The following CDC5L variants were observed in gnomAD, a reference collection of about 807,000 sequenced individuals.
CDC5L encodes cell division cycle 5 like, also known as cell division cycle 5-like protein.
Under a neutral mutation model 104.1 loss-of-function variants are expected in CDC5L, and 18 were observed. The observed-to-expected ratio is 0.17, with a 90% CI of 0.12 to 0.26. The LOEUF (loss-of-function observed/expected upper bound fraction) is 0.26, where lower values mean the gene tolerates loss of function less well. CDC5L is among the 10% of genes least tolerant of loss of function. The pLI, the probability that CDC5L is intolerant of heterozygous loss-of-function variation, is 1.00. For missense variants in CDC5L, 673 were observed against 956.9 expected (o/e 0.70, Z 3.91); for synonymous variants, 331 against 322.7 (o/e 1.03, Z -0.28).
chr6:44,443,163 A>G (rs561844266), intron 14 of CDC5L, among the ~76,000 whole-genome samples: 21 of 59,436 alleles, frequency 3.5e-4, no homozygotes, highest in African/African-American at 1.3e-3. Context: ...TTTTTTTTCT[A>G]TTTTTAAATA....
chr6:44,416,018 T>C (rs536213047), intron 8 of CDC5L, among the ~76,000 whole-genome samples: 1 of 152,296 alleles, frequency 6.6e-6, no homozygotes, highest in Admixed American at 6.5e-5. Flanking sequence ...CAGTGTCTGT[T>C]CTATGTGTGA....
intron 14 of CDC5L, among the ~76,000 whole-genome samples, chr6:44,445,073 C>G (rs1793385378): frequency 6.6e-6 from 1 of 152,220 alleles, no homozygotes; most frequent in South Asian, 2.1e-4. Flanking sequence ...TTAGCTGCTT[C>G]TCTGCACTGC....
intron 14 of CDC5L, among the ~76,000 whole-genome samples, chr6:44,433,044 A>C (rs1296742877): frequency 6.6e-6 from 1 of 152,146 alleles, no homozygotes; most frequent in African/African-American, 2.4e-5. Context: ...GAAAAACTTT[A>C]TTTCTTTTCA....
At chr6:44,436,146 A>G (rs946743610) in intron 14 of CDC5L, among the ~76,000 whole-genome samples, 3 of 152,190 alleles carry the variant, frequency 2.0e-5, no homozygotes, top group African/African-American at 7.2e-5. Flanking sequence ...ATACTGTATG[A>G]TTAGCAAATA....
chr6:44,416,924 A>G (rs1791934231), intron 8 of CDC5L, among the ~76,000 whole-genome samples: 1 of 152,228 alleles, frequency 6.6e-6, no homozygotes, highest in South Asian at 2.1e-4. Flanking sequence ...TGGAATAGCA[A>G]AAAGGACACA....
intron 5 of CDC5L, among the ~76,000 whole-genome samples, chr6:44,397,651 C>T (rs1019037356): frequency 2.0e-5 from 3 of 152,342 alleles, no homozygotes; most frequent in Admixed American, 1.3e-4. Flanking sequence ...TTTTGTATGA[C>T]TGCCAATTAG....
intron 6 of CDC5L, among the ~76,000 whole-genome samples, chr6:44,404,310 A>C (rs1341173385): frequency 2.0e-5 from 3 of 151,752 alleles, no homozygotes; most frequent in Non-Finnish European, 2.9e-5. Flanking sequence ...ACACCTAGCT[A>C]ATTTTTTTTT....
chr6:44,426,834 G>A, intron 13 of CDC5L, 110 bp downstream of exon 13: 1 of 1,036,588 alleles, frequency 9.6e-7, no homozygotes, highest in Admixed American at 2.2e-5. Flanking sequence ...ATAAACAACT[G>A]AAATGTATGA....
chr6:44,440,869 A>G (rs189413887), intron 14 of CDC5L, among the ~76,000 whole-genome samples: 1 of 151,942 alleles, frequency 6.6e-6, no homozygotes, highest in Admixed American at 6.6e-5. Context: ...CACCTTGCCT[A>G]GCTAATTTTT....
chr6:44,394,855 CAAAAAAAAAAAAAAAAAAA>C (rs60864045), intron 4 of CDC5L, among the ~76,000 whole-genome samples: 2 of 59,064 alleles, frequency 3.4e-5, no homozygotes, highest in Non-Finnish European at 6.1e-5. Context: ...GACCCTGTCT[CAAAAAAAAAAAAAAAAAAA>C]AAAAAAAAAA....
intron 8 of CDC5L, among the ~76,000 whole-genome samples, chr6:44,418,953 G>T (rs1792030549): frequency 1.3e-5 from 2 of 150,662 alleles, no homozygotes; most frequent in South Asian, 2.1e-4. Context: ...TAGGTTGCCT[G>T]TTCACTCTGA....
intron 8 of CDC5L, among the ~76,000 whole-genome samples, chr6:44,418,390 C>G (rs1791999365): frequency 6.6e-6 from 1 of 152,270 alleles, no homozygotes; most frequent in African/African-American, 2.4e-5. Flanking sequence ...TTAATCCAGT[C>G]TATCATTGTT....
chr6:44,402,623 G>A (rs1791183428), intron 5 of CDC5L, among the ~76,000 whole-genome samples: 1 of 152,056 alleles, frequency 6.6e-6, no homozygotes, highest in Non-Finnish European at 1.5e-5. Flanking sequence ...TAGCAACATA[G>A]GAAGATGCAA....
Position 44,387,882 on chromosome 6 carries a change from TC to T in CDC5L, c.45+17del. 2 of 1,554,178 alleles carry T rather than the reference TC, an allele frequency of 1.3e-6. No individual in the cohort carries two copies. The highest frequency in any genetic ancestry group is 1.7e-6 in the Non-Finnish European group (2 of 1,148,384). On this transcript the variant is annotated intron_variant, in intron 1 of 15. Coordinates refer to ENST00000371477, the MANE Select transcript of CDC5L (RefSeq NM_001253.4). ...AGGAATACCGAGGTAAGTCTCCTTT[TC>T]CCGCCGTCCGCTGCCCGCCGCTCCC...
intron 9 of CDC5L, among the ~76,000 whole-genome samples, chr6:44,422,029 G>GA (rs919496187): frequency 2.4e-4 from 36 of 150,424 alleles, no homozygotes; most frequent in African/African-American, 7.3e-4. Context: ...AGGCAACCAG[G>GA]AAAAAAAAAG....
chr6:44,422,726 A>G lies in CDC5L; in HGVS notation c.1321A>G (p.Arg441Gly), dbSNP rs267601050. The change falls in exon 10 of 16, where the codon AGA becomes GGA. Residue 441 changes from arginine to glycine, a missense_variant. Physicochemically the swap from Arg to Gly is moderately radical, Grantham distance 125 (BLOSUM62 -2). Coordinates refer to ENST00000371477, the MANE Select transcript of CDC5L (RefSeq NM_001253.4). ...PKPVINSTPG[R>G]TPLRDKLNIN... ...ACCAGTTATTAACTCTACTCCGGGTAGAACTCCTCTTCGAGACAAGTTAAA... is the reference window on the plus strand; with the variant it reads ...ACCAGTTATTAACTCTACTCCGGGTGGAACTCCTCTTCGAGACAAGTTAAA... 4 of 1,612,906 alleles carry G rather than the reference A, an allele frequency of 2.5e-6. No homozygotes were observed. The highest frequency in any genetic ancestry group is 3.4e-6 in the Non-Finnish European group (4 of 1,178,960).
intron 8 of CDC5L, among the ~76,000 whole-genome samples, chr6:44,415,878 T>G (rs1305657862): frequency 6.6e-6 from 1 of 152,290 alleles, no homozygotes; most frequent in African/African-American, 2.4e-5. Flanking sequence ...TGAAAATGAT[T>G]ATGATTGGTT....
rs984299537 is a variant in CDC5L at position 44,404,020 on chromosome 6, C to T, written c.751C>T (p.Leu251=). Residue 251 remains leucine, a synonymous_variant, in exon 6 of 16, where the codon CTA becomes TTA. Coordinates refer to ENST00000371477, the MANE Select transcript of CDC5L (RefSeq NM_001253.4). ...AAGACAACAGGATCTTGATGGGGAG[C>T]TAAGATCGTAAGTTGCCTTTCTGAT... ...KLRQQDLDGE[L]RSEKEGRDRK... is the part of the protein sequence containing the mutation. The T allele has an allele frequency of 1.9e-6, 3 of 1,604,676 alleles. No homozygotes were observed. Among genetic ancestry groups the T allele is most frequent in the African/African-American group, 2.7e-5 (2 of 74,176 alleles).
Position 44,393,467 on chromosome 6 carries a change from CAATGAA to C in CDC5L, c.334_339del (p.Asn112_Glu113del). 2 of 1,613,536 alleles carry C rather than the reference CAATGAA, an allele frequency of 1.2e-6. No individual in the cohort carries two copies. Among genetic ancestry groups the C allele is most frequent in the Non-Finnish European group, 8.5e-7 (1 of 1,179,784 alleles). ...CTAGGGATAAAGCTGCCCAAAGAGA[CAATGAA>C]GAGGAAACAACAGATGATCCACGAA... On this transcript the variant is annotated inframe_deletion, in exon 4 of 16. Transcript: ENST00000371477.
Sources: allele counts gnomAD v4.1 joint callset (sites outside exome capture counted in the v4.1 genomes callset), GRCh38; gene constraint gnomAD v4.1.1; transcripts MANE v1.5; gene names NCBI Gene and HGNC (gene_info 2026-07-23, HGNC 2026-07-21).